Variants in CNTNAP2 observed in about 807,000 individuals in gnomAD.
CNTNAP2 encodes contactin associated protein 2.
A neutral mutation model predicts 155.2 loss-of-function variants in CNTNAP2; 98 were observed. The ratio of observed to expected loss-of-function variants is 0.63; its 90% CI spans 0.54 to 0.75. The LOEUF (loss-of-function observed/expected upper bound fraction) is 0.75. Among genes scored for constraint, CNTNAP2 ranks in the 30% least tolerant of loss-of-function variants. The pLI, the probability that CNTNAP2 is intolerant of heterozygous loss-of-function variation, is 0.00. For missense variants in CNTNAP2, 1,727 were observed against 1,688.1 expected (o/e 1.02, Z -0.40); for synonymous variants, 651 against 631.2 (o/e 1.03, Z -0.47).
At chr7:148,291,338 A>G (rs1797186371) in intron 21 of CNTNAP2, among the ~76,000 whole-genome samples, 1 of 151,412 alleles carries the variant, frequency 6.6e-6, no homozygotes, top group Non-Finnish European at 1.5e-5. Context: ...TTATTAAGTA[A>G]TAACTCACAC....
At chr7:146,557,714 C>A (rs539359085) in intron 1 of CNTNAP2, among the ~76,000 whole-genome samples, 1 of 152,264 alleles carries the variant, frequency 6.6e-6, no homozygotes, top group Non-Finnish European at 1.5e-5. Context: ...ACTGATTAAC[C>A]ATTTTCTAAC....
At chr7:146,811,679 G>A (rs893729624) in intron 2 of CNTNAP2, among the ~76,000 whole-genome samples, 1 of 151,908 alleles carries the variant, frequency 6.6e-6, no homozygotes, top group Non-Finnish European at 1.5e-5. Context: ...TTCTGATAAG[G>A]TTTAGCTGTG....
At chr7:147,310,046 C>A (rs769937992) in intron 9 of CNTNAP2, among the ~76,000 whole-genome samples, 8 of 152,040 alleles carry the variant, frequency 5.3e-5, no homozygotes, top group Non-Finnish European at 1.2e-4. Context: ...AACATATTAA[C>A]CTCATCAGAA....
intron 3 of CNTNAP2, among the ~76,000 whole-genome samples, chr7:146,880,273 TG>T (rs1318531352): frequency 6.6e-6 from 1 of 152,072 alleles, no homozygotes; most frequent in Admixed American, 6.6e-5. Flanking sequence ...GCCTTCGTGA[TG>T]GGATTAGAGC....
chr7:146,189,403 G>A (rs1038424155), intron 1 of CNTNAP2, among the ~76,000 whole-genome samples: 8 of 152,120 alleles, frequency 5.3e-5, no homozygotes, highest in African/African-American at 1.7e-4. Flanking sequence ...CCGGTCCTAT[G>A]CCCATTCAAG....
At chr7:146,414,327 C>T (rs1230608107) in intron 1 of CNTNAP2, among the ~76,000 whole-genome samples, 2 of 152,132 alleles carry the variant, frequency 1.3e-5, no homozygotes, top group African/African-American at 2.4e-5. Context: ...TTTTGCTTAG[C>T]CCACATAGGA....
chr7:147,296,134 T>A (rs1805437758), intron 8 of CNTNAP2, among the ~76,000 whole-genome samples: 1 of 152,210 alleles, frequency 6.6e-6, no homozygotes, highest in African/African-American at 2.4e-5. Context: ...TCTCTGGACA[T>A]GTGATTATTT....
At chr7:148,153,123 G>C (rs1805335362) in intron 17 of CNTNAP2, among the ~76,000 whole-genome samples, 2 of 151,324 alleles carry the variant, frequency 1.3e-5, no homozygotes, top group Admixed American at 1.3e-4. Flanking sequence ...GGACAGCCAG[G>C]CTGTGAGGCT....
At chr7:147,572,756 T>C (rs1800320090) in intron 12 of CNTNAP2, among the ~76,000 whole-genome samples, 1 of 151,624 alleles carries the variant, frequency 6.6e-6, no homozygotes, top group East Asian at 1.9e-4. Context: ...TCAATTAAGA[T>C]CAACTCATTT....
rs547004700 is a variant in CNTNAP2 at position 147,087,568 on chromosome 7, A to G, written c.551-20579A>G. Among the ~76,000 whole-genome samples, 3 of 152,322 alleles carry G rather than the reference A, an allele frequency of 2.0e-5. No homozygotes were observed. In the South Asian group the frequency reaches 6.2e-4, roughly 32 times the overall value. ...ATTTTCTATTTCACTTTTTAATAGAATTTGCTGTAAAATGGATACTACAGA... is the reference window on the plus strand; with the variant it reads ...ATTTTCTATTTCACTTTTTAATAGAGTTTGCTGTAAAATGGATACTACAGA... On this transcript the variant is annotated intron_variant, in intron 4 of 23. Coordinates refer to ENST00000361727, the MANE Select transcript of CNTNAP2 (RefSeq NM_014141.6).
chr7:146,194,272 C>T (rs1798746375), intron 1 of CNTNAP2, among the ~76,000 whole-genome samples: 1 of 152,178 alleles, frequency 6.6e-6, no homozygotes, highest in Non-Finnish European at 1.5e-5. Flanking sequence ...CTAAAAAAGA[C>T]ATACCTGAGA....
chr7:146,156,793 G>A (rs1317770101), intron 1 of CNTNAP2, among the ~76,000 whole-genome samples: 1 of 152,090 alleles, frequency 6.6e-6, no homozygotes, highest in African/African-American at 2.4e-5. Context: ...GTAAAAACAG[G>A]TTTCACCATG....
At chr7:146,517,443 T>G (rs1189883004) in intron 1 of CNTNAP2, among the ~76,000 whole-genome samples, 1 of 151,902 alleles carries the variant, frequency 6.6e-6, no homozygotes. Context: ...AGAAGAGTAA[T>G]CTAGCACAAT....
At chr7:147,701,583 A>G (rs1297904373) in intron 13 of CNTNAP2, among the ~76,000 whole-genome samples, 1 of 152,132 alleles carries the variant, frequency 6.6e-6, no homozygotes, top group African/African-American at 2.4e-5. Context: ...CTTTTTTCAT[A>G]ATTTCCATTA....
chr7:147,864,044 G>A (rs1359735138), intron 13 of CNTNAP2, among the ~76,000 whole-genome samples: 1 of 151,802 alleles, frequency 6.6e-6, no homozygotes, highest in African/African-American at 2.4e-5. Flanking sequence ...TTTCTTCTGG[G>A]GTTTTTATGG....
At chr7:148,227,884 CGTGTGTGTGTGTGT>C (rs3057282) in intron 19 of CNTNAP2, among the ~76,000 whole-genome samples, 3,142 of 131,492 alleles carry the variant, frequency 0.024, 55 homozygotes, top group Non-Finnish European at 0.025. Flanking sequence ...AAGAGCACAG[CGTGTGTGTGTGTGT>C]GTGTGTGTGT....
intron 10 of CNTNAP2, among the ~76,000 whole-genome samples, chr7:147,406,736 G>A (rs900303797): frequency 7.9e-5 from 12 of 152,214 alleles, no homozygotes; most frequent in African/African-American, 2.9e-4. Context: ...GCAGATGGAA[G>A]GGGTGAGGAG....
intron 8 of CNTNAP2, among the ~76,000 whole-genome samples, chr7:147,209,885 T>C (rs1228258507): frequency 6.6e-6 from 1 of 152,054 alleles, no homozygotes; most frequent in Admixed American, 6.6e-5. Context: ...GTGAATCACA[T>C]TTATCGACTT....
Position 147,183,763 on chromosome 7 carries a change from C to T in CNTNAP2, c.1348+51254C>T, listed in dbSNP as rs529454336. On this transcript the variant is annotated intron_variant, in intron 8 of 23. Coordinates refer to ENST00000361727, the MANE Select transcript of CNTNAP2 (RefSeq NM_014141.6). ...CACAGACTGACTCTGGGGATAGTCT[C>T]CATGGTCTCAGAATGGAGATTACTA... 3.3e-5 allele frequency among the ~76,000 whole-genome samples: 5 copies of T among 152,244 alleles called. No individual in the cohort carries two copies. The South Asian group carries it at 8.3e-4, about 25-fold the overall frequency.
Sources: gnomAD v4.1 joint callset for allele counts (sites outside exome capture counted in the v4.1 genomes callset) on GRCh38, gnomAD v4.1.1 for gene constraint, MANE v1.5 for transcripts, NCBI Gene and HGNC (gene_info 2026-07-23, HGNC 2026-07-21) for gene names.